AKR1B15: variants seen among roughly 807,000 people sequenced by gnomAD.
AKR1B15 encodes estradiol 17-beta-dehydrogenase AKR1B15.
AKR1B15 carries 49 observed loss-of-function variants against 38.5 expected under a neutral mutation model. That is an observed-to-expected ratio of 1.27 (90% CI 1.01 to 1.62). The LOEUF (loss-of-function observed/expected upper bound fraction) is 1.62. AKR1B15 is among the 40% of genes most tolerant of loss of function. The pLI is 0.00. For missense variants in AKR1B15, 411 were observed against 381.6 expected (o/e 1.08, Z -0.64); for synonymous variants, 137 against 135.5 (o/e 1.01, Z -0.08).
intron 1 of AKR1B15, among the ~76,000 whole-genome samples, chr7:134,556,128 G>A (rs1349710254): frequency 6.6e-6 from 1 of 152,114 alleles, no homozygotes; most frequent in East Asian, 1.9e-4. Context: ...AAAAATTCCT[G>A]GTCCCATGAA....
In AKR1B15 at chr7:134,576,034, T is replaced by C. The variant is rs1323745760; in HGVS notation, c.743+107T>C. The C allele has an allele frequency of 5.3e-6, 8 of 1,498,024 alleles. No individual in the cohort carries two copies. The East Asian group carries it at 1.7e-4, about 32-fold the overall frequency. The allele number at this position is 1,498,024 out of a possible 1,614,324, so 92.8% of individuals were successfully genotyped here. The stretch of plus-strand genomic sequence containing the variant: ...ATAAGTTACTGGAAAGAAAAATGTG[T>C]GTAAGGTAACACGTTTGGTACACAC... On this transcript the variant is annotated intron_variant, in intron 8 of 11. Transcript: ENST00000457545.
chr7:134,575,679 A>G, intron 7 of AKR1B15, 137 bp downstream of exon 7: 1 of 1,576,774 alleles, frequency 6.3e-7, no homozygotes. Flanking sequence ...TGTGAGGCTG[A>G]TCTCATGGGT....
rs766251783 is a variant in AKR1B15, at chr7:134,575,871, C to T, written c.687C>T (p.His229=). The T allele has an allele frequency of 6.8e-6, 11 of 1,613,858 alleles. No individual in the cohort carries two copies. The South Asian group carries it at 7.7e-5, about 11-fold the overall frequency. ...AGGAGAAACTGATCCAGTACTGCCACTCCAAGGGCATCACCGTTACGGCCT... is the reference window on the plus strand; with the variant it reads ...AGGAGAAACTGATCCAGTACTGCCATTCCAAGGGCATCACCGTTACGGCCT... The part of the protein sequence containing the change: ...LTQEKLIQYC[H]SKGITVTAYS... Residue 229 remains histidine, a synonymous_variant, in exon 8 of 12, where the codon CAC becomes CAT. Transcript: ENST00000457545.
chr7:134,568,875 A>AG (rs397696304), intron 4 of AKR1B15, among the ~76,000 whole-genome samples: 3 of 150,970 alleles, frequency 2.0e-5, no homozygotes, highest in African/African-American at 7.3e-5. Context: ...GAAAAAAAAA[A>AG]CAAAACACTA....
intron 11 of AKR1B15, among the ~76,000 whole-genome samples, chr7:134,578,603 C>G (rs983629793): frequency 3.3e-5 from 5 of 152,196 alleles, no homozygotes; most frequent in Admixed American, 1.3e-4. Flanking sequence ...TTACATATAT[C>G]AAATAGAATT....
At chr7:134,558,076 G>C (rs1440427367) in intron 2 of AKR1B15, among the ~76,000 whole-genome samples, 6 of 152,210 alleles carry the variant, frequency 3.9e-5, no homozygotes, top group Admixed American at 3.9e-4. Context: ...CATGAGGGAA[G>C]TCTTGTCTCA....
intron 3 of AKR1B15, among the ~76,000 whole-genome samples, chr7:134,565,926 TCC>T (rs1794523003): frequency 6.6e-6 from 1 of 152,054 alleles, no homozygotes; most frequent in African/African-American, 2.4e-5. Context: ...GAGCCAGAAG[TCC>T]CTGGCACCAC....
At chr7:134,561,126 A>G (rs746483775) in intron 2 of AKR1B15, among the ~76,000 whole-genome samples, 9 of 152,222 alleles carry the variant, frequency 5.9e-5, no homozygotes, top group Non-Finnish European at 1.2e-4. Flanking sequence ...CTAGCACTGC[A>G]TATCATCCAG....
At chr7:134,579,450 C>T (rs551757660) in intron 11 of AKR1B15, 57 bp from the exon 12 acceptor site, 29 of 1,436,242 alleles carry the variant, frequency 2.0e-5, no homozygotes, top group Non-Finnish European at 2.5e-5. Flanking sequence ...ACCTTCTCAG[C>T]GAGAGTTGTT....
At position 134,579,692 on chromosome 7, in the gene AKR1B15, T is replaced by C. The variant is rs1020395503; in HGVS notation, c.*143T>C. 1 of 646,464 alleles carries C rather than the reference T, an allele frequency of 1.5e-6. No homozygotes were observed. 40.0% of individuals were successfully genotyped at this position (646,464 alleles called of 1,614,324 possible). ...GTTGTAGACCAGAATGGAGGTGCTG[T>C]TTTAGACATGTATTTCTGTATGTTC... is the stretch of plus-strand genomic sequence containing the variant. On this transcript the variant is annotated 3_prime_UTR_variant, in exon 12 of 12. Coordinates refer to ENST00000457545, the MANE Select transcript of AKR1B15 (RefSeq NM_001080538.3).
At chr7:134,576,456 A>T (rs149449991) in intron 9 of AKR1B15, 26 bp downstream of exon 9, 2 of 1,610,602 alleles carry the variant, frequency 1.2e-6, no homozygotes, top group Middle Eastern at 1.7e-4. Context: ...TTTTCTTGTT[A>T]TCCAACCACT....
intron 6 of AKR1B15, among the ~76,000 whole-genome samples, chr7:134,574,366 TTTTG>T (rs748113778): frequency 1.2e-4 from 18 of 152,022 alleles, no homozygotes; most frequent in Non-Finnish European, 2.2e-4. Flanking sequence ...CTCTCGGGGT[TTTTG>T]TTTGTTTGTT....
At chr7:134,553,528 G>T (rs1037394000) in intron 1 of AKR1B15, among the ~76,000 whole-genome samples, 1 of 152,346 alleles carries the variant, frequency 6.6e-6, no homozygotes, top group Middle Eastern at 3.4e-3. Context: ...GCAACAGCAA[G>T]CCAGGTCCAG....
intron 1 of AKR1B15, among the ~76,000 whole-genome samples, chr7:134,551,963 G>T: frequency 6.6e-6 from 1 of 152,278 alleles, no homozygotes; most frequent in Admixed American, 6.5e-5. Flanking sequence ...CCACCACAGT[G>T]GGGGGCCAGC....
At chr7:134,579,147 C>T (rs1794826439) in intron 11 of AKR1B15, among the ~76,000 whole-genome samples, 1 of 152,132 alleles carries the variant, frequency 6.6e-6, no homozygotes, top group Admixed American at 6.6e-5. Flanking sequence ...GTGGTATTAT[C>T]TCATTTAATA....
At chr7:134,551,441 C>T (rs1406749910) in intron 1 of AKR1B15, among the ~76,000 whole-genome samples, 1 of 152,240 alleles carries the variant, frequency 6.6e-6, no homozygotes, top group Non-Finnish European at 1.5e-5. Context: ...GTGCTCCAGA[C>T]TCACCGGCCC....
chr7:134,553,827 G>A (rs1794086824), intron 1 of AKR1B15, among the ~76,000 whole-genome samples: 1 of 152,152 alleles, frequency 6.6e-6, no homozygotes, highest in Non-Finnish European at 1.5e-5. Flanking sequence ...TCTAAAGGAG[G>A]TGGATGCCAC....
At position 134,569,544 on chromosome 7, in the gene AKR1B15, C is replaced by G. The variant is rs761259584; in HGVS notation, c.435+15C>G. ...AGGGATTCAAGGTTTGAGTGACTCCCTTTCTCAGCCTCTAGTTTCTGAGCT... is the reference window on the plus strand; with the variant it reads ...AGGGATTCAAGGTTTGAGTGACTCCGTTTCTCAGCCTCTAGTTTCTGAGCT... On this transcript the variant is annotated intron_variant, in intron 5 of 11. Transcript: ENST00000457545. The G allele has an allele frequency of 1.4e-5, 22 of 1,613,300 alleles. No homozygotes were observed. Among genetic ancestry groups the G allele is most frequent in the Admixed American group, 1.7e-5 (1 of 60,000 alleles).
intron 6 of AKR1B15, among the ~76,000 whole-genome samples, chr7:134,575,019 C>G (rs1319309056): frequency 1.3e-5 from 2 of 152,220 alleles, no homozygotes; most frequent in East Asian, 1.9e-4. Flanking sequence ...ACACACACAA[C>G]AGTAGCTCCC....
Sources: gnomAD v4.1 joint callset for allele counts (sites outside exome capture counted in the v4.1 genomes callset) on GRCh38, gnomAD v4.1.1 for gene constraint, MANE v1.5 for transcripts, NCBI Gene and HGNC (gene_info 2026-07-23, HGNC 2026-07-21) for gene names.